MTHFD1L: variants seen among roughly 807,000 people sequenced by gnomAD.
MTHFD1L encodes monofunctional C1-tetrahydrofolate synthase, mitochondrial.
In MTHFD1L, 81 loss-of-function variants were observed where a neutral mutation model predicts 119.5. The observed-to-expected ratio is 0.68, with a 90% CI of 0.57 to 0.82. The LOEUF (loss-of-function observed/expected upper bound fraction) is 0.82. MTHFD1L is among the 40% of genes least tolerant of loss of function. The pLI, the probability that MTHFD1L is intolerant of heterozygous loss-of-function variation, is 0.00. For missense variants in MTHFD1L, 1,125 were observed against 1,253.4 expected, an observed-to-expected ratio of 0.90 and a Z score of 1.55; for synonymous variants, 430 against 475.2, an observed-to-expected ratio of 0.90 and a Z score of 1.24.
intron 24 of MTHFD1L, among the ~76,000 whole-genome samples, chr6:151,028,109 G>T (rs937119418): frequency 5.9e-5 from 9 of 152,134 alleles, no homozygotes; most frequent in Non-Finnish European, 1.2e-4. Context: ...CCTGGGTTGA[G>T]GCAGGGAAGC....
chr6:151,004,449 T>C (rs1033304349), intron 20 of MTHFD1L, among the ~76,000 whole-genome samples: 1 of 152,330 alleles, frequency 6.6e-6, no homozygotes. Flanking sequence ...AAGAATATCA[T>C]GGATACTACA....
intron 23 of MTHFD1L, among the ~76,000 whole-genome samples, chr6:151,015,228 T>A (rs1187546397): frequency 7.5e-6 from 1 of 132,560 alleles, no homozygotes; most frequent in Non-Finnish European, 1.6e-5. Context: ...TTTTTTTTTT[T>A]AATTCTACCC....
chr6:150,960,454 G>A (rs1413908560), intron 18 of MTHFD1L, 39 bp downstream of exon 18: 3 of 1,567,590 alleles, frequency 1.9e-6, no homozygotes, highest in Non-Finnish European at 2.6e-6. Context: ...GGAGTGGACG[G>A]TCCTCGTTCT....
At chr6:151,009,694 C>T (rs976652740) in intron 20 of MTHFD1L, 125 bp from the exon 21 acceptor site, 100 of 1,100,290 alleles carry the variant, frequency 9.1e-5, no homozygotes, top group Non-Finnish European at 1.2e-4. Context: ...GAAATCAGTT[C>T]ACCTTTGTGT....
Position 151,053,347 on chromosome 6 carries a change from G to A in MTHFD1L, c.2847+16230G>A, listed in dbSNP as rs539531956. 6.6e-5 allele frequency among the ~76,000 whole-genome samples: 10 copies of A among 152,236 alleles called. No individual in the cohort carries two copies. In the East Asian group the frequency reaches 1.4e-3, roughly 21 times the overall value. ...GAGCTATAAAATCACAATGATAAGT[G>A]AAAAGTTCTCTTTTGTACTTTAGCA... On this transcript the variant is annotated intron_variant, in intron 26 of 27. Coordinates refer to ENST00000367321, the MANE Select transcript of MTHFD1L (RefSeq NM_015440.5).
At chr6:151,018,488 A>G (rs1336610108) in intron 24 of MTHFD1L, among the ~76,000 whole-genome samples, 1 of 152,154 alleles carries the variant, frequency 6.6e-6, no homozygotes, top group Non-Finnish European at 1.5e-5. Context: ...TCTTAGGTGG[A>G]AACTGGTGAT....
chr6:151,036,650 G>A (rs1245396272), intron 25 of MTHFD1L, among the ~76,000 whole-genome samples: 3 of 152,154 alleles, frequency 2.0e-5, no homozygotes, highest in Non-Finnish European at 2.9e-5. Flanking sequence ...CTTGGAAAGT[G>A]GTTTCTACAG....
At chr6:150,954,537 A>G (rs1462416838) in intron 16 of MTHFD1L, among the ~76,000 whole-genome samples, 1 of 152,086 alleles carries the variant, frequency 6.6e-6, no homozygotes, top group Non-Finnish European at 1.5e-5. Flanking sequence ...AAAATACAAA[A>G]AATTAGCCAG....
intron 7 of MTHFD1L, among the ~76,000 whole-genome samples, chr6:150,888,995 T>A (rs1488616745): frequency 6.6e-6 from 1 of 151,896 alleles, no homozygotes; most frequent in Admixed American, 6.6e-5. Flanking sequence ...GCCAATATGG[T>A]GAAACACCGT....
At chr6:151,083,253 A>C (rs1304611225) in intron 26 of MTHFD1L, among the ~76,000 whole-genome samples, 1 of 151,808 alleles carries the variant, frequency 6.6e-6, no homozygotes, top group African/African-American at 2.4e-5. Flanking sequence ...GCTGGAGTGC[A>C]GTGGTGCCAT....
In MTHFD1L at chr6:150,877,772, G is replaced by A. The variant is rs1303473333; in HGVS notation, c.364-1G>A. On this transcript the variant is annotated splice_acceptor_variant, in intron 3 of 27. Transcript: ENST00000367321. LOFTEE classifies it high-confidence loss of function. Reference sequence around the variant, plus strand: ...CGAATAACCTTGTGTTCCTTTTTCAGGCTGGTCTGAACATCACTCACATTT... The same window carrying A: ...CGAATAACCTTGTGTTCCTTTTTCAAGCTGGTCTGAACATCACTCACATTT... 1 of 1,614,176 alleles carries A rather than the reference G, an allele frequency of 6.2e-7. No homozygotes were observed. Among genetic ancestry groups the A allele is most frequent in the South Asian group, 1.1e-5 (1 of 91,084 alleles).
intron 26 of MTHFD1L, among the ~76,000 whole-genome samples, chr6:151,065,248 A>G (rs1791109143): frequency 6.6e-6 from 1 of 152,210 alleles, no homozygotes; most frequent in Non-Finnish European, 1.5e-5. Flanking sequence ...GTGGGTGAGC[A>G]TAGCCGTGCT....
At chr6:151,048,241 C>T (rs1281692928) in intron 26 of MTHFD1L, among the ~76,000 whole-genome samples, 3 of 152,158 alleles carry the variant, frequency 2.0e-5, no homozygotes, top group Non-Finnish European at 4.4e-5. Flanking sequence ...TATACTCACC[C>T]ACCTCCAGAC....
At chr6:151,093,564 G>C (rs1794639759) in intron 27 of MTHFD1L, among the ~76,000 whole-genome samples, 1 of 152,062 alleles carries the variant, frequency 6.6e-6, no homozygotes, top group South Asian at 2.1e-4. Flanking sequence ...GGCTGAGGCA[G>C]AGAATTGCTT....
chr6:151,063,005 C>T (rs1322416214), intron 26 of MTHFD1L, among the ~76,000 whole-genome samples: 10 of 151,690 alleles, frequency 6.6e-5, no homozygotes, highest in African/African-American at 1.9e-4. Context: ...GCACCTTGTG[C>T]GCATGTACCC....
At chr6:151,055,127 A>G (rs912949540) in intron 26 of MTHFD1L, 2 of 152,028 alleles carry the variant, frequency 1.3e-5, no homozygotes, top group Admixed American at 6.6e-5. Context: ...TTAGCCGGGC[A>G]TGGTGTTGGG....
intron 24 of MTHFD1L, among the ~76,000 whole-genome samples, chr6:151,025,377 G>A (rs1182682145): frequency 3.3e-5 from 5 of 152,232 alleles, no homozygotes; most frequent in Admixed American, 2.0e-4. Flanking sequence ...CGGGACTCCA[G>A]TTGGTATTGG....
intron 24 of MTHFD1L, among the ~76,000 whole-genome samples, chr6:151,034,189 T>G (rs990022019): frequency 6.6e-6 from 1 of 151,190 alleles, no homozygotes; most frequent in African/African-American, 2.4e-5. Flanking sequence ...GAAATTATAG[T>G]AAACTATATT....
chr6:150,874,400 G>T (rs77906619), intron 1 of MTHFD1L, among the ~76,000 whole-genome samples: 14,266 of 152,184 alleles, frequency 0.094, 780 homozygotes, highest in Middle Eastern at 0.17. Context: ...CTAAAGCCCC[G>T]CCTGGGAACT....
Sources: gnomAD v4.1 joint callset for allele counts (sites outside exome capture counted in the v4.1 genomes callset) on GRCh38, gnomAD v4.1.1 for gene constraint, MANE v1.5 for transcripts, NCBI Gene and HGNC (gene_info 2026-07-23, HGNC 2026-07-21) for gene names.